SYT1: variants seen among roughly 807,000 people sequenced by gnomAD.
SYT1 encodes synaptotagmin 1.
In SYT1, 8 loss-of-function variants were observed where a neutral mutation model predicts 44.8. The ratio of observed to expected loss-of-function variants is 0.18; its 90% CI spans 0.10 to 0.32. The LOEUF (loss-of-function observed/expected upper bound fraction) is 0.32, where lower values mean the gene tolerates loss of function less well. Ranked by LOEUF, SYT1 falls within the 10% of genes least tolerant of loss-of-function variation. The pLI is 1.00. For synonymous variants in SYT1, 154 were observed against 188.8 expected (o/e 0.82, Z 1.51); for missense variants, 286 against 509.3 (o/e 0.56, Z 4.22).
intron 8 of SYT1, among the ~76,000 whole-genome samples, chr12:79,317,105 A>C (rs1881126113): frequency 6.6e-6 from 1 of 152,176 alleles, no homozygotes; most frequent in Non-Finnish European, 1.5e-5. Context: ...CACTTTCACT[A>C]TTTTATGGGG....
At chr12:79,088,310 C>T (rs1350786432) in intron 3 of SYT1, among the ~76,000 whole-genome samples, 2 of 151,956 alleles carry the variant, frequency 1.3e-5, no homozygotes, top group African/African-American at 2.4e-5. Context: ...TTACCCCCTT[C>T]GGAAGGTTCA....
chr12:78,920,686 G>A (rs1396050735), intron 1 of SYT1, among the ~76,000 whole-genome samples: 3 of 151,802 alleles, frequency 2.0e-5, no homozygotes, highest in Non-Finnish European at 4.4e-5. Context: ...GTCTCAACCG[G>A]CAATTCAAAA....
intron 1 of SYT1, among the ~76,000 whole-genome samples, chr12:78,877,920 C>A (rs1479655362): frequency 6.6e-6 from 1 of 151,802 alleles, no homozygotes; most frequent in Admixed American, 6.6e-5. Flanking sequence ...TGAGCCACCA[C>A]ACCTGTCCTC....
chr12:79,356,346 G>A (rs1337002004), intron 9 of SYT1, among the ~76,000 whole-genome samples: 2 of 151,846 alleles, frequency 1.3e-5, no homozygotes, highest in East Asian at 3.9e-4. Context: ...CAAACATCAT[G>A]CTTCTCTCTC....
At chr12:79,046,012 G>A (rs1035346598) in intron 2 of SYT1, among the ~76,000 whole-genome samples, 13 of 152,080 alleles carry the variant, frequency 8.5e-5, no homozygotes, top group South Asian at 4.1e-4. Flanking sequence ...AGAAGTGTCC[G>A]TATACTAAAA....
At chr12:78,962,393 A>G (rs1355398693) in intron 1 of SYT1, among the ~76,000 whole-genome samples, 1 of 139,866 alleles carries the variant, frequency 7.1e-6, no homozygotes, top group Admixed American at 7.4e-5. Context: ...TGGGTCACGT[A>G]CCTTTGCTTT....
At chr12:79,047,677 C>T (rs1159006544) in intron 3 of SYT1, among the ~76,000 whole-genome samples, 1 of 151,822 alleles carries the variant, frequency 6.6e-6, no homozygotes, top group African/African-American at 2.4e-5. Context: ...TAGATGTAAT[C>T]AAAGTGCCTC....
In SYT1 at chr12:79,214,939, ATATGTGTG is replaced by A. The variant is rs771599914; in HGVS notation, c.-17-2562_-17-2555del. 4.8e-3 allele frequency among the ~76,000 whole-genome samples: 461 copies of A among 95,282 alleles called. 2 individuals carry two copies. Among genetic ancestry groups the A allele is most frequent in the African/African-American group, 0.022 (414 of 18,836 alleles). The allele number at this position is 95,282 out of a possible 152,430, so 62.5% of individuals were successfully genotyped here. On this transcript the variant is annotated intron_variant, in intron 3 of 10. Transcript: ENST00000261205. ...AATACGTGCCTGTAATAATGTGTGT[ATATGTGTG>A]TGTGTGTGTGTGTGTGTGTGTGTGT...
intron 9 of SYT1, 81 bp from the exon 10 acceptor site, chr12:79,443,992 A>C (rs948919877): frequency 6.8e-7 from 1 of 1,468,028 alleles, no homozygotes; most frequent in Non-Finnish European, 9.2e-7. Flanking sequence ...ACCTGTGGGA[A>C]ATAGTTCTTT....
At chr12:79,117,707 A>ATATG (rs1879374121) in intron 3 of SYT1, among the ~76,000 whole-genome samples, 1 of 107,880 alleles carries the variant, frequency 9.3e-6, no homozygotes, top group African/African-American at 3.7e-5. Flanking sequence ...ATATATATAT[A>ATATG]TATATATAAA....
intron 6 of SYT1, among the ~76,000 whole-genome samples, chr12:79,295,034 T>C (rs529196024): frequency 6.6e-6 from 1 of 152,122 alleles, no homozygotes; most frequent in East Asian, 1.9e-4. Flanking sequence ...GCATTTTTTT[T>C]AAGAGGGGGA....
chr12:79,196,708 C>G (rs910682462), intron 3 of SYT1, among the ~76,000 whole-genome samples: 47 of 152,276 alleles, frequency 3.1e-4, no homozygotes, highest in Non-Finnish European at 5.9e-4. Flanking sequence ...TAGTTTCCCT[C>G]TTGTTGCTAC....
chr12:78,921,884 A>G (rs1454701352), intron 1 of SYT1, among the ~76,000 whole-genome samples: 1 of 151,958 alleles, frequency 6.6e-6, no homozygotes, highest in African/African-American at 2.4e-5. Context: ...ATAAGCAAAA[A>G]GAGGAATATT....
chr12:79,235,265 G>C (rs985862946), intron 4 of SYT1, among the ~76,000 whole-genome samples: 1 of 152,074 alleles, frequency 6.6e-6, no homozygotes, highest in South Asian at 2.1e-4. Context: ...CTAACACTTG[G>C]AATTGTCTAG....
chr12:78,958,951 T>C (rs192817604), intron 1 of SYT1, among the ~76,000 whole-genome samples: 5 of 152,294 alleles, frequency 3.3e-5, no homozygotes, highest in Admixed American at 3.3e-4. Flanking sequence ...AACTTCATTC[T>C]TTCATTTTTC....
At chr12:79,133,828 T>C (rs1379454156) in intron 3 of SYT1, among the ~76,000 whole-genome samples, 1 of 152,136 alleles carries the variant, frequency 6.6e-6, no homozygotes, top group East Asian at 1.9e-4. Context: ...ATCAACACAA[T>C]TTCAGAAAGT....
chr12:79,428,774 C>A (rs1476964367), intron 9 of SYT1, among the ~76,000 whole-genome samples: 1 of 152,086 alleles, frequency 6.6e-6, no homozygotes, highest in Non-Finnish European at 1.5e-5. Context: ...TTGCCTTAGT[C>A]CACTTGCATT....
intron 3 of SYT1, among the ~76,000 whole-genome samples, chr12:79,195,292 T>C (rs889047239): frequency 1.3e-5 from 2 of 152,202 alleles, no homozygotes; most frequent in Non-Finnish European, 2.9e-5. Context: ...CTTTTTCCTA[T>C]ATTTGTCCAT....
At chr12:79,176,243 T>C (rs1209524746) in intron 3 of SYT1, among the ~76,000 whole-genome samples, 2 of 149,278 alleles carry the variant, frequency 1.3e-5, no homozygotes, top group African/African-American at 5.0e-5. Context: ...TGAGCCAAGA[T>C]CACTCCATTC....
Sources: gnomAD v4.1 joint callset for allele counts (sites outside exome capture counted in the v4.1 genomes callset) on GRCh38, gnomAD v4.1.1 for gene constraint, MANE v1.5 for transcripts, NCBI Gene and HGNC (gene_info 2026-07-23, HGNC 2026-07-21) for gene names.